TBKBP1: variants seen among roughly 807,000 people sequenced by gnomAD.
The protein encoded by TBKBP1 is TBK1 binding protein 1, also known as TANK-binding kinase 1-binding protein 1.
A neutral mutation model predicts 69.9 loss-of-function variants in TBKBP1; 47 were observed. The observed-to-expected ratio is 0.67, with a 90% CI of 0.53 to 0.86. The LOEUF (loss-of-function observed/expected upper bound fraction) is 0.86. Among genes scored for constraint, TBKBP1 ranks in the 40% least tolerant of loss-of-function variants. The probability of loss-of-function intolerance (pLI) is 0.00; values close to 1 mark genes in which losing one functional copy is unlikely to be tolerated. For missense variants in TBKBP1, 831 were observed against 858.6 expected (o/e 0.97, Z 0.40); for synonymous variants, 418 against 390.3 (o/e 1.07, Z -0.84).
chr17:47,708,762 G>GT lies in TBKBP1; in HGVS notation c.1029_1030insT (p.Ala344CysfsTer121). Reference sequence around the variant, plus strand: ...CGCCGCTGTCACAACGCCACTCCCCGGCCCCCCAGTGCCCCTCCCCCTCCC... The same window carrying GT: ...CGCCGCTGTCACAACGCCACTCCCCGTGCCCCCCAGTGCCCCTCCCCCTCCC... On this transcript the variant is annotated frameshift_variant, in exon 9 of 10. Coordinates refer to ENST00000578982, the MANE Select transcript of TBKBP1 (RefSeq NM_001394755.1). LOFTEE classifies it high-confidence loss of function. This position sits in a 1 kb window ranked among gnomAD's most constrained non-coding sequence, Gnocchi z 4.4. 1 of 666,060 alleles carries GT rather than the reference G, an allele frequency of 1.5e-6. No homozygotes were observed. The highest frequency in any genetic ancestry group is 2.1e-6 in the Non-Finnish European group (1 of 485,200). 41.3% of individuals were successfully genotyped at this position (666,060 alleles called of 1,614,324 possible). A position where few individuals can be genotyped will look rare whatever the true frequency, so the allele number is the denominator to read the frequency against.
rs967001038 is a variant in TBKBP1 at position 47,699,397 on chromosome 17, G to C, written c.712G>C (p.Gly238Arg). ...AGAAGAGGCTTTGGAGGCCGCGCAGGGAGAGGCCCGGGGGGCTCAGCTCCG... is the reference window on the plus strand; with the variant it reads ...AGAAGAGGCTTTGGAGGCCGCGCAGCGAGAGGCCCGGGGGGCTCAGCTCCG... ...RLEEALEAAQ[G>R]EARGAQLREE... Residue 238 changes from glycine to arginine, a missense_variant, in exon 6 of 10, where the codon GGA becomes CGA. Physicochemically the swap from Gly to Arg is moderately radical, Grantham distance 125 (BLOSUM62 -2). Coordinates refer to ENST00000578982, the MANE Select transcript of TBKBP1 (RefSeq NM_001394755.1). 6.4e-7 allele frequency: 1 copy of C among 1,567,030 alleles called. No individual in the cohort carries two copies. The highest frequency in any genetic ancestry group is 1.4e-5 in the African/African-American group (1 of 73,018).
Position 47,696,098 on chromosome 17 carries a change from G to A in TBKBP1, c.-15G>A, listed in dbSNP as rs1205697255. 4.4e-6 allele frequency: 7 copies of A among 1,596,776 alleles called. No homozygotes were observed. The highest frequency in any genetic ancestry group is 2.2e-5 in the East Asian group (1 of 44,672). On this transcript the variant is annotated 5_prime_UTR_variant, in exon 2 of 10. Transcript: ENST00000578982. ...TCCTAGGAGGCCCCGTGTGGGCCGC[G>A]GCCCGGCCCTCACCATGGAGTCCAT... is the stretch of plus-strand genomic sequence containing the variant.
At chr17:47,702,133 C>T (rs1026619334) in intron 7 of TBKBP1, among the ~76,000 whole-genome samples, 8 of 152,192 alleles carry the variant, frequency 5.3e-5, no homozygotes, top group Admixed American at 4.6e-4. Context: ...GGCTGCTTCC[C>T]GAGTGCTCCC....
Position 47,709,103 on chromosome 17 carries a change from AG to A in TBKBP1, c.1373del (p.Gly458AlafsTer118). The A allele has an allele frequency of 7.3e-7, 1 of 1,362,624 alleles. No homozygotes were observed. The highest frequency in any genetic ancestry group is 9.4e-7 in the Non-Finnish European group (1 of 1,063,360). The allele number at this position is 1,362,624 out of a possible 1,614,324, so 84.4% of individuals were successfully genotyped here. On this transcript the variant is annotated frameshift_variant, in exon 9 of 10. Coordinates refer to ENST00000578982, the MANE Select transcript of TBKBP1 (RefSeq NM_001394755.1). LOFTEE classifies it high-confidence loss of function. ...PPSHHVKAGF[Q>X]GRRSYSELAE... Reference sequence around the variant, plus strand: ...AGCCACCACGTGAAGGCCGGCTTCCAGGGCCGCCGCAGCTACTCTGAGCTGG... The same window carrying A: ...AGCCACCACGTGAAGGCCGGCTTCCAGGCCGCCGCAGCTACTCTGAGCTGG...
chr17:47,695,200 A>G (rs1221900858), intron 1 of TBKBP1: 1 of 152,780 alleles, frequency 6.5e-6, no homozygotes, highest in Admixed American at 6.6e-5. Flanking sequence ...ACACACCTAC[A>G]CTCATTCACA....
chr17:47,703,160 G>A (rs566588730), intron 7 of TBKBP1, among the ~76,000 whole-genome samples: 36 of 152,162 alleles, frequency 2.4e-4, no homozygotes, highest in Admixed American at 1.0e-3. Flanking sequence ...TCTTCCCAAC[G>A]TTGGGGGCTC....
Position 47,710,722 on chromosome 17 carries a change from C to T in TBKBP1, c.*96C>T. ...GCATGAATCTCGTGGGGGGTCCCTG[C>T]CCTTGCGACCCCCAGATACCTCCAC... On this transcript the variant is annotated 3_prime_UTR_variant, in exon 10 of 10. Transcript: ENST00000578982. 2 of 1,480,358 alleles carry T rather than the reference C, an allele frequency of 1.4e-6. No homozygotes were observed. The highest frequency in any genetic ancestry group is 9.1e-7 in the Non-Finnish European group (1 of 1,096,378). 91.7% of individuals were successfully genotyped at this position (1,480,358 alleles called of 1,614,324 possible).
chr17:47,699,726 C>T, intron 7 of TBKBP1, 29 bp downstream of exon 7: 2 of 1,613,776 alleles, frequency 1.2e-6, no homozygotes, highest in South Asian at 2.2e-5. Flanking sequence ...CCTGGTCCCT[C>T]CGTGATGTTT....
intron 9 of TBKBP1, 56 bp downstream of exon 9, chr17:47,709,508 C>G: frequency 1.4e-6 from 2 of 1,438,888 alleles, no homozygotes; most frequent in Non-Finnish European, 1.8e-6. Context: ...GATTGAGACC[C>G]CAGCGCCTCA....
chr17:47,694,726 G>C (rs1290305396), intron 1 of TBKBP1: 1 of 152,270 alleles, frequency 6.6e-6, no homozygotes, highest in African/African-American at 2.4e-5. Flanking sequence ...CGGGGGTCTG[G>C]GGGGGTGTGG....
At chr17:47,699,820 G>T in intron 7 of TBKBP1, 123 bp downstream of exon 7, 1 of 1,161,872 alleles carries the variant, frequency 8.6e-7, no homozygotes, top group African/African-American at 1.6e-5. Context: ...AAGGAGGTGG[G>T]GTTCTTTTTT....
intron 7 of TBKBP1, among the ~76,000 whole-genome samples, chr17:47,701,926 G>C (rs1168395858): frequency 6.6e-6 from 1 of 152,184 alleles, no homozygotes; most frequent in Non-Finnish European, 1.5e-5. Flanking sequence ...CTCCTTCCCT[G>C]TGATTAGGCT....
In TBKBP1 at chr17:47,709,057, C is replaced by T. The variant is rs1165631505; in HGVS notation, c.1324C>T (p.Arg442Cys). 6.0e-6 allele frequency: 8 copies of T among 1,325,758 alleles called. No homozygotes were observed. In the African/African-American group the frequency reaches 6.3e-5, roughly 10 times the overall value. 82.1% of individuals were successfully genotyped at this position (1,325,758 alleles called of 1,614,324 possible). The change falls in exon 9 of 10, where the codon CGC (arginine) becomes TGC (cysteine). Residue 442 changes from arginine (R) to cysteine (C), a missense_variant. By Grantham distance (180) the Arg-to-Cys change is radical. Transcript: ENST00000578982. ...PPPGERTLAERAYAKPPSHHV... is the reference protein window; with the variant it reads ...PPPGERTLAECAYAKPPSHHV... Reference sequence around the variant, plus strand: ...GCCGGGCGAGAGGACGCTGGCCGAGCGCGCCTACGCCAAGCCGCCCAGCCA... The same window carrying T: ...GCCGGGCGAGAGGACGCTGGCCGAGTGCGCCTACGCCAAGCCGCCCAGCCA...
At chr17:47,699,604 T>C (rs775510280) in intron 6 of TBKBP1, 32 bp from the exon 7 acceptor site, 9 of 1,613,960 alleles carry the variant, frequency 5.6e-6, no homozygotes, top group Non-Finnish European at 7.6e-6. Flanking sequence ...AGGGGTGAGC[T>C]TGGGCTCTGA....
Position 47,710,561 on chromosome 17 carries a change from G to C in TBKBP1, c.1783G>C (p.Val595Leu), listed in dbSNP as rs1254563857. ...SCPLCQLGFP[V>L]GYPDDALIKH... ...CCCCCTCTGCCAGCTGGGTTTCCCT[G>C]TCGGGTACCCGGATGATGCCCTCAT... is the stretch of plus-strand genomic sequence containing the variant. Residue 595 changes from valine (V) to leucine (L), a missense_variant, in exon 10 of 10, where the codon GTC becomes CTC. Transcript: ENST00000578982. The C allele has an allele frequency of 6.2e-7, 1 of 1,612,532 alleles. No homozygotes were observed. The highest frequency in any genetic ancestry group is 1.3e-5 in the African/African-American group (1 of 75,032).
intron 4 of TBKBP1, among the ~76,000 whole-genome samples, chr17:47,697,949 CAAAAAAAA>C (rs1170697190): frequency 1.9e-4 from 7 of 36,954 alleles, no homozygotes; most frequent in South Asian, 8.7e-4. Flanking sequence ...ACCCTGTCTC[CAAAAAAAA>C]AAAAAAAAAA....
At chr17:47,698,940 C>T (rs1221278754) in intron 5 of TBKBP1, among the ~76,000 whole-genome samples, 165 bp downstream of exon 5, 1 of 152,258 alleles carries the variant, frequency 6.6e-6, no homozygotes, top group South Asian at 2.1e-4. Flanking sequence ...CACTGTTACC[C>T]TAATTTCTCC....
rs183443031 is a variant in TBKBP1 at position 47,704,167 on chromosome 17, C to G, written c.873-4227C>G. Among the ~76,000 whole-genome samples, 547 of 152,314 alleles carry G rather than the reference C, an allele frequency of 3.6e-3. 3 individuals are homozygous for G. The highest frequency in any genetic ancestry group is 0.012 in the African/African-American group (514 of 41,570). ...GGAACCCTGGTTTCCAGGCCTACCCCTGAGCTGCTCCAATCAGCTGCATCT... is the reference window on the plus strand; with the variant it reads ...GGAACCCTGGTTTCCAGGCCTACCCGTGAGCTGCTCCAATCAGCTGCATCT... On this transcript the variant is annotated intron_variant, in intron 7 of 9. Transcript: ENST00000578982.
chr17:47,711,119 C>T lies in TBKBP1; in HGVS notation c.*493C>T, dbSNP rs1057057558. 1.3e-5 allele frequency: 2 copies of T among 153,066 alleles called. No homozygotes were observed. Among genetic ancestry groups the T allele is most frequent in the Admixed American group, 1.3e-4 (2 of 15,356 alleles). The allele number at this position is 153,066 out of a possible 1,614,324, so 9.5% of individuals were successfully genotyped here. On this transcript the variant is annotated 3_prime_UTR_variant, in exon 10 of 10. Coordinates refer to ENST00000578982, the MANE Select transcript of TBKBP1 (RefSeq NM_001394755.1). ...GCTCTGTGCACTGACCCCAGTTCCT[C>T]CATCCTGTGGCCAGCCTAGGGCTCA...
Sources: gnomAD v4.1 joint callset for allele counts (sites outside exome capture counted in the v4.1 genomes callset) on GRCh38, gnomAD v4.1.1 for gene constraint, Gnocchi (gnomAD v3.1) non-coding constraint, MANE v1.5 for transcripts, NCBI Gene and HGNC (gene_info 2026-07-23, HGNC 2026-07-21) for gene names.